Variants in ANKS1B observed in about 807,000 individuals in gnomAD.
ANKS1B encodes the protein ankyrin repeat and sterile alpha motif domain containing 1B, also known as ankyrin repeat and sterile alpha motif domain-containing protein 1B.
ANKS1B carries 36 observed loss-of-function variants against 148.3 expected under a neutral mutation model. The observed-to-expected ratio is 0.24, with a 90% CI of 0.19 to 0.32. ANKS1B has a LOEUF of 0.32. Among genes scored for constraint, ANKS1B ranks in the 10% least tolerant of loss-of-function variants. The pLI is 1.00. For missense variants in ANKS1B, 1,157 were observed against 1,542.6 expected, an observed-to-expected ratio of 0.75 and a Z score of 4.19; for synonymous variants, 542 against 560.8, an observed-to-expected ratio of 0.97 and a Z score of 0.47.
At chr12:99,110,462 A>G (rs1356545895) in intron 15 of ANKS1B, among the ~76,000 whole-genome samples, 2 of 152,186 alleles carry the variant, frequency 1.3e-5, no homozygotes, top group African/African-American at 2.4e-5. Context: ...TGCTGTGGAG[A>G]CAGAAGTGGT....
intron 17 of ANKS1B, among the ~76,000 whole-genome samples, chr12:99,010,896 C>CT (rs1364287827): frequency 0.011 from 1,247 of 113,718 alleles, 49 homozygotes; most frequent in African/African-American, 0.047. Flanking sequence ...CAGGTGTGAG[C>CT]TTTTGTTTTT....
intron 9 of ANKS1B, among the ~76,000 whole-genome samples, chr12:99,565,859 C>T (rs56414146): frequency 0.015 from 2,360 of 152,280 alleles, 51 homozygotes; most frequent in African/African-American, 0.054. Context: ...AAAGCCACAT[C>T]CACAGATGTT....
intron 15 of ANKS1B, among the ~76,000 whole-genome samples, chr12:99,113,885 G>T (rs2060794394): frequency 6.6e-6 from 1 of 152,128 alleles, no homozygotes; most frequent in Non-Finnish European, 1.5e-5. Flanking sequence ...TTTTTAGAAT[G>T]GTAATCAAGA....
intron 12 of ANKS1B, among the ~76,000 whole-genome samples, chr12:99,301,507 A>AATGG (rs2081604880): frequency 6.6e-6 from 1 of 152,216 alleles, no homozygotes; most frequent in African/African-American, 2.4e-5. Context: ...AGAATATAGA[A>AATGG]ATGGAGTAAA....
chr12:98,899,943 C>A (rs2099769851), intron 17 of ANKS1B, among the ~76,000 whole-genome samples: 1 of 152,128 alleles, frequency 6.6e-6, no homozygotes, highest in African/African-American at 2.4e-5. Context: ...ATGATAGTAA[C>A]CTCAACCAGG....
chr12:99,097,710 A>T (rs2153664654), intron 15 of ANKS1B, among the ~76,000 whole-genome samples: 1 of 152,278 alleles, frequency 6.6e-6, no homozygotes, highest in Middle Eastern at 3.4e-3. Flanking sequence ...TGAGCACGGG[A>T]TTAGGAGTCC....
Position 98,799,113 on chromosome 12 carries a change from T to C in ANKS1B, c.3271-108A>G, listed in dbSNP as rs528819875. On this transcript the variant is annotated intron_variant, in intron 21 of 26. Coordinates refer to ENST00000683438, the MANE Select transcript of ANKS1B (RefSeq NM_001352186.2). ...ACTGGCTAGGTTTCCTGGCTGTAAG[T>C]TGTTGCATAACTTTAAAAAACTGAC... 43 of 653,630 alleles carry C rather than the reference T, an allele frequency of 6.6e-5. No homozygotes were observed. The African/African-American group carries it at 8.1e-4, about 12-fold the overall frequency. 40.5% of individuals were successfully genotyped at this position (653,630 alleles called of 1,614,324 possible).
chr12:99,573,379 T>TAAA (rs1347990498), intron 9 of ANKS1B, among the ~76,000 whole-genome samples: 1 of 152,122 alleles, frequency 6.6e-6, no homozygotes, highest in South Asian at 2.1e-4. Context: ...TTGATTTTTT[T>TAAA]AAAAAATTGG....
intron 25 of ANKS1B, among the ~76,000 whole-genome samples, chr12:98,762,769 C>G (rs1044321982): frequency 6.6e-6 from 1 of 152,206 alleles, no homozygotes; most frequent in Non-Finnish European, 1.5e-5. Context: ...CTACTTACCA[C>G]GTGGTATTTA....
intron 12 of ANKS1B, among the ~76,000 whole-genome samples, chr12:99,260,553 G>A (rs757662388): frequency 2.0e-5 from 3 of 152,098 alleles, no homozygotes; most frequent in African/African-American, 7.2e-5. Context: ...ATACAGAAAC[G>A]TTAAAGATAA....
intron 9 of ANKS1B, among the ~76,000 whole-genome samples, chr12:99,571,330 C>A (rs888272866): frequency 4.0e-5 from 6 of 151,366 alleles, no homozygotes; most frequent in African/African-American, 1.5e-4. Context: ...CTGTTGTATA[C>A]ACAAATATAG....
rs148400115 is a variant in ANKS1B, at chr12:99,453,962, T to A, written c.1439-10153A>T. 6.8e-3 allele frequency among the ~76,000 whole-genome samples: 1,023 copies of A among 151,446 alleles called. 4 individuals carry two copies. The highest frequency in any genetic ancestry group is 0.012 in the Non-Finnish European group (821 of 67,842). On this transcript the variant is annotated intron_variant, in intron 10 of 26. Coordinates refer to ENST00000683438, the MANE Select transcript of ANKS1B (RefSeq NM_001352186.2). The stretch of plus-strand genomic sequence containing the variant: ...TTAGGTTATAGGCAGAAAGAGAAAG[T>A]GAAGAAAAAAAATGTAATAGCCTTG...
chr12:99,926,750 C>G (rs1016601307), intron 1 of ANKS1B, among the ~76,000 whole-genome samples: 2 of 152,222 alleles, frequency 1.3e-5, no homozygotes, highest in Non-Finnish European at 2.9e-5. Context: ...CAAATGACCT[C>G]TTATTAACTC....
At chr12:99,422,546 G>C (rs149694106) in intron 11 of ANKS1B, among the ~76,000 whole-genome samples, 1 of 152,110 alleles carries the variant, frequency 6.6e-6, no homozygotes, top group Non-Finnish European at 1.5e-5. Flanking sequence ...CAGTGTGAGC[G>C]GGTTAAAATG....
At chr12:99,391,229 A>T (rs1346119700) in intron 12 of ANKS1B, among the ~76,000 whole-genome samples, 6 of 152,236 alleles carry the variant, frequency 3.9e-5, no homozygotes, top group Admixed American at 3.9e-4. Context: ...GCCACCGGAC[A>T]GTAAAATGCA....
intron 4 of ANKS1B, among the ~76,000 whole-genome samples, chr12:99,800,683 A>T (rs1316611517): frequency 6.6e-6 from 1 of 152,086 alleles, no homozygotes; most frequent in East Asian, 1.9e-4. Context: ...AGACTTGGTG[A>T]TATGCAAATT....
chr12:99,869,494 A>G (rs1049264109), intron 1 of ANKS1B, among the ~76,000 whole-genome samples: 2 of 152,020 alleles, frequency 1.3e-5, no homozygotes, highest in Non-Finnish European at 2.9e-5. Flanking sequence ...ACCAACATGG[A>G]GAAACCCATC....
chr12:98,890,317 A>G (rs1200034931), intron 17 of ANKS1B, among the ~76,000 whole-genome samples: 1 of 152,232 alleles, frequency 6.6e-6, no homozygotes, highest in Non-Finnish European at 1.5e-5. Context: ...AGAGATATTG[A>G]AGAGACAATG....
chr12:99,449,314 T>C (rs1199948374), intron 10 of ANKS1B, among the ~76,000 whole-genome samples: 1 of 152,182 alleles, frequency 6.6e-6, no homozygotes, highest in Non-Finnish European at 1.5e-5. Context: ...TCATCATCAA[T>C]TCTGTGTTGC....
Sources: gnomAD v4.1 joint callset for allele counts (sites outside exome capture counted in the v4.1 genomes callset) on GRCh38, gnomAD v4.1.1 for gene constraint, MANE v1.5 for transcripts, NCBI Gene and HGNC (gene_info 2026-07-23, HGNC 2026-07-21) for gene names.